ARID1B: variants seen among roughly 807,000 people sequenced by gnomAD.
ARID1B encodes AT-rich interaction domain 1B.
A neutral mutation model predicts 212.3 loss-of-function variants in ARID1B; 30 were observed. That is an observed-to-expected ratio of 0.14 (90% CI 0.11 to 0.19). The LOEUF is 0.19. ARID1B is among the 10% of genes least tolerant of loss of function. The pLI is 1.00. For synonymous variants in ARID1B, 1,402 were observed against 1,301.7 expected (o/e 1.08, Z -1.66); for missense variants, 2,891 against 3,204.0 (o/e 0.90, Z 2.36).
chr6:156,794,933 T>C (rs1254790634), intron 1 of ARID1B, among the ~76,000 whole-genome samples: 1 of 152,120 alleles, frequency 6.6e-6, no homozygotes, highest in Non-Finnish European at 1.5e-5. Context: ...CTGTAGTCAT[T>C]ATCAGACATA....
chr6:156,852,641 TCAGAGGATTATA>T (rs1353361920), intron 2 of ARID1B, among the ~76,000 whole-genome samples: 1 of 152,120 alleles, frequency 6.6e-6, no homozygotes, highest in African/African-American at 2.4e-5. Flanking sequence ...CAAGACTAAC[TCAGAGGATTATA>T]CAGAGGATTA....
intron 13 of ARID1B, among the ~76,000 whole-genome samples, chr6:157,188,316 G>C (rs1040480926): frequency 1.3e-5 from 2 of 152,178 alleles, no homozygotes; most frequent in Admixed American, 6.5e-5. Context: ...ATGTTACGCA[G>C]TGTTCAGCTC....
At chr6:156,940,423 G>A (rs1036512969) in intron 4 of ARID1B, 4 of 152,280 alleles carry the variant, frequency 2.6e-5, no homozygotes, top group South Asian at 2.1e-4. Flanking sequence ...GCAATTAGAC[G>A]GAAATATTGG....
chr6:156,894,334 G>C (rs1788218844), intron 2 of ARID1B, among the ~76,000 whole-genome samples: 1 of 150,568 alleles, frequency 6.6e-6, no homozygotes. Context: ...ACAGAATGTG[G>C]GGTTGTTATT....
rs191916399 is a variant in ARID1B, at chr6:157,119,244, C to T, written c.2581+8683C>T. Among the ~76,000 whole-genome samples, 295 of 152,312 alleles carry T rather than the reference C, an allele frequency of 1.9e-3. 1 individual carries two copies. The highest frequency in any genetic ancestry group is 3.6e-3 in the Non-Finnish European group (247 of 68,032). ...CACCTAGTTAACCTCACAGCCTCCTCGCTGTTCCTCCTGTCCCCAGCCTCA... is the reference window on the plus strand; with the variant it reads ...CACCTAGTTAACCTCACAGCCTCCTTGCTGTTCCTCCTGTCCCCAGCCTCA... On this transcript the variant is annotated intron_variant, in intron 6 of 19. Coordinates refer to ENST00000636930, the MANE Select transcript of ARID1B (RefSeq NM_001374828.1).
intron 15 of ARID1B, among the ~76,000 whole-genome samples, chr6:157,191,544 T>C (rs565160225): frequency 6.6e-6 from 1 of 152,198 alleles, no homozygotes; most frequent in South Asian, 2.1e-4. Context: ...TGCAGAAGTT[T>C]ATGACTGCCA....
At chr6:156,865,967 G>C (rs533160153) in intron 2 of ARID1B, among the ~76,000 whole-genome samples, 1 of 152,020 alleles carries the variant, frequency 6.6e-6, no homozygotes, top group Non-Finnish European at 1.5e-5. Flanking sequence ...GCCCTTTTCT[G>C]TTTGTTTTGG....
chr6:156,794,565 A>G (rs1452529901), intron 1 of ARID1B, among the ~76,000 whole-genome samples: 1 of 137,866 alleles, frequency 7.3e-6, no homozygotes, highest in African/African-American at 2.8e-5. Flanking sequence ...GGAGCCTGGC[A>G]CATTCTTTTT....
chr6:156,951,445 C>T (rs1793579703), intron 4 of ARID1B, among the ~76,000 whole-genome samples: 1 of 151,828 alleles, frequency 6.6e-6, no homozygotes, highest in Non-Finnish European at 1.5e-5. Flanking sequence ...TATTTTCTTT[C>T]TTTTTCTTTT....
chr6:156,930,392 G>A (rs919787052), intron 3 of ARID1B, among the ~76,000 whole-genome samples: 1 of 152,278 alleles, frequency 6.6e-6, no homozygotes, highest in South Asian at 2.1e-4. Context: ...AGCTTCCTGA[G>A]GCCTCCTCAG....
chr6:157,046,262 C>T (rs1480658119), intron 4 of ARID1B, among the ~76,000 whole-genome samples: 1 of 152,138 alleles, frequency 6.6e-6, no homozygotes, highest in Admixed American at 6.5e-5. Context: ...AAAGACAAGA[C>T]TGTGAGGCCA....
At chr6:156,874,154 C>T (rs1352922891) in intron 2 of ARID1B, among the ~76,000 whole-genome samples, 1 of 152,192 alleles carries the variant, frequency 6.6e-6, no homozygotes. Context: ...TCACTGCAGC[C>T]TCAACCTCCT....
intron 4 of ARID1B, among the ~76,000 whole-genome samples, chr6:157,053,468 C>T (rs1018427299): frequency 6.6e-6 from 1 of 152,110 alleles, no homozygotes; most frequent in Non-Finnish European, 1.5e-5. Flanking sequence ...TTTCTCTTGT[C>T]AATAGTATAA....
intron 1 of ARID1B, among the ~76,000 whole-genome samples, chr6:156,819,413 A>T (rs2128009011): frequency 6.6e-6 from 1 of 152,300 alleles, no homozygotes; most frequent in East Asian, 1.9e-4. Flanking sequence ...CAAAATAAAC[A>T]ATATATATAG....
At chr6:156,912,707 A>G (rs1789994459) in intron 3 of ARID1B, among the ~76,000 whole-genome samples, 2 of 152,276 alleles carry the variant, frequency 1.3e-5, no homozygotes, top group South Asian at 4.1e-4. Context: ...TCTGCATATC[A>G]TGTCTGCCTT....
chr6:157,193,142 A>G (rs990849342), intron 15 of ARID1B, among the ~76,000 whole-genome samples: 14 of 152,308 alleles, frequency 9.2e-5, no homozygotes, highest in African/African-American at 3.4e-4. Context: ...GTTTAACAGA[A>G]TAGTATATAT....
At chr6:157,197,476 A>G (rs1018426652) in intron 16 of ARID1B, among the ~76,000 whole-genome samples, 5 of 152,228 alleles carry the variant, frequency 3.3e-5, no homozygotes, top group Admixed American at 2.0e-4. Flanking sequence ...AGGTTTCTTT[A>G]TGGTATTGTC....
chr6:156,837,831 C>T (rs980828793), intron 2 of ARID1B, among the ~76,000 whole-genome samples: 4 of 152,178 alleles, frequency 2.6e-5, no homozygotes, highest in African/African-American at 9.7e-5. Flanking sequence ...TTGCTTAATC[C>T]AGGCTTCCTC....
chr6:157,131,189 A>T (rs1036885103), intron 6 of ARID1B, among the ~76,000 whole-genome samples: 3 of 152,162 alleles, frequency 2.0e-5, no homozygotes, highest in Non-Finnish European at 4.4e-5. Flanking sequence ...TCATTTTTTT[A>T]AAAAGCAATA....
Sources: allele counts gnomAD v4.1 joint callset (sites outside exome capture counted in the v4.1 genomes callset), GRCh38; gene constraint gnomAD v4.1.1; transcripts MANE v1.5; gene names NCBI Gene and HGNC (gene_info 2026-07-23, HGNC 2026-07-21).